The following DTWD2 variants were observed in gnomAD, a reference collection of about 807,000 sequenced individuals.
The protein encoded by DTWD2 is DTW motif tRNA-uridine aminocarboxypropyltransferase 2, also known as tRNA-uridine aminocarboxypropyltransferase 2.
A neutral mutation model predicts 31.8 loss-of-function variants in DTWD2; 39 were observed. That is an observed-to-expected ratio of 1.22 (90% CI 0.95 to 1.60). DTWD2 has a LOEUF of 1.60. Ranked by LOEUF, DTWD2 falls within the 40% of genes most tolerant of loss-of-function variation. DTWD2 has a pLI of 0.00. For synonymous variants in DTWD2, 180 were observed against 142.8 expected (o/e 1.26, Z -1.86); for missense variants, 515 against 381.5 (o/e 1.35, Z -2.92).
intron 1 of DTWD2, among the ~76,000 whole-genome samples, chr5:118,955,607 G>A (rs1409494183): frequency 6.6e-6 from 1 of 152,122 alleles, no homozygotes; most frequent in Non-Finnish European, 1.5e-5. Flanking sequence ...CCCTCATGGA[G>A]CTTATTTGTT....
chr5:118,967,998 G>T (rs537950993), intron 1 of DTWD2, among the ~76,000 whole-genome samples: 2 of 152,038 alleles, frequency 1.3e-5, no homozygotes, highest in Non-Finnish European at 2.9e-5. Flanking sequence ...TGTTAATTTC[G>T]CCAAGAATAA....
At chr5:118,986,886 T>G (rs151188819) in intron 1 of DTWD2, among the ~76,000 whole-genome samples, 2 of 151,992 alleles carry the variant, frequency 1.3e-5, no homozygotes, top group South Asian at 2.1e-4. Flanking sequence ...GGTAGCAAAT[T>G]TCACCAGAAA....
chr5:118,856,148 CT>C (rs1198481572), intron 4 of DTWD2, among the ~76,000 whole-genome samples: 11 of 152,124 alleles, frequency 7.2e-5, no homozygotes, highest in African/African-American at 2.7e-4. Flanking sequence ...TAAACCCCAC[CT>C]TTTCTGAAAT....
Position 118,837,205 on chromosome 5 carries a change from G to A in DTWD2, c.*3712C>T, listed in dbSNP as rs1751593005. The A allele has an allele frequency of 6.6e-6, 1 of 152,108 alleles. No individual in the cohort carries two copies. The highest frequency in any genetic ancestry group is 1.5e-5 in the Non-Finnish European group (1 of 68,004). 9.4% of individuals were successfully genotyped at this position (152,108 alleles called of 1,614,324 possible). On this transcript the variant is annotated 3_prime_UTR_variant, in exon 6 of 6. Coordinates refer to ENST00000510708, the MANE Select transcript of DTWD2 (RefSeq NM_173666.4). ...AGAAAGTGTGAAGAGAAAAGAGAGA[G>A]AATATGCTTTAAGTTAATGTAGCTA...
intron 3 of DTWD2, among the ~76,000 whole-genome samples, chr5:118,931,978 A>G (rs1561460536): frequency 1.3e-5 from 2 of 152,198 alleles, no homozygotes; most frequent in Non-Finnish European, 2.9e-5. Context: ...TAAGTAAACC[A>G]CGGGTCAAGA....
chr5:118,979,258 T>A (rs955150780), intron 1 of DTWD2, among the ~76,000 whole-genome samples: 1 of 151,654 alleles, frequency 6.6e-6, no homozygotes, highest in Admixed American at 6.6e-5. Context: ...GAGCAAAGAC[T>A]GTGCCACTGC....
intron 1 of DTWD2, among the ~76,000 whole-genome samples, chr5:118,984,474 AAGC>A (rs1007235499): frequency 1.3e-5 from 2 of 152,020 alleles, no homozygotes; most frequent in African/African-American, 2.4e-5. Flanking sequence ...AAAAAAAAAA[AAGC>A]AGCAATCTAA....
intron 4 of DTWD2, among the ~76,000 whole-genome samples, chr5:118,858,907 T>C (rs997091050): frequency 6.6e-6 from 1 of 152,216 alleles, no homozygotes; most frequent in Admixed American, 6.5e-5. Context: ...GCCTCCTTTA[T>C]ACCATCCAAT....
chr5:118,891,504 A>T (rs1752976749), intron 4 of DTWD2, among the ~76,000 whole-genome samples: 1 of 152,196 alleles, frequency 6.6e-6, no homozygotes, highest in Non-Finnish European at 1.5e-5. Context: ...CAAGGCATAC[A>T]CTGCTGCTCA....
At chr5:118,934,042 A>C (rs1753981940) in intron 3 of DTWD2, among the ~76,000 whole-genome samples, 2 of 150,774 alleles carry the variant, frequency 1.3e-5, no homozygotes, top group East Asian at 3.9e-4. Flanking sequence ...TAATTGTTTT[A>C]AATACCATTA....
intron 1 of DTWD2, among the ~76,000 whole-genome samples, chr5:118,957,203 CTT>C (rs1360349792): frequency 6.6e-6 from 1 of 151,874 alleles, no homozygotes; most frequent in African/African-American, 2.4e-5. Flanking sequence ...GAAGGATAGA[CTT>C]AGAAAAAATA....
intron 1 of DTWD2, among the ~76,000 whole-genome samples, chr5:118,964,343 T>C (rs1754777953): frequency 6.6e-6 from 1 of 152,170 alleles, no homozygotes; most frequent in Admixed American, 6.5e-5. Flanking sequence ...GTTGTGGTCA[T>C]TTGGTGGCTG....
chr5:118,951,584 T>G (rs970547765), intron 1 of DTWD2, among the ~76,000 whole-genome samples: 11 of 152,120 alleles, frequency 7.2e-5, no homozygotes, highest in African/African-American at 2.7e-4. Flanking sequence ...ACTGTCAAGT[T>G]TGTATTGGGG....
At chr5:118,985,528 A>ATT in intron 1 of DTWD2, among the ~76,000 whole-genome samples, 1 of 146,984 alleles carries the variant, frequency 6.8e-6, no homozygotes, top group Admixed American at 6.8e-5. Context: ...ACACACACAT[A>ATT]TATACATACA....
At chr5:118,874,888 A>G (rs1439955967) in intron 4 of DTWD2, among the ~76,000 whole-genome samples, 1 of 152,134 alleles carries the variant, frequency 6.6e-6, no homozygotes, top group Non-Finnish European at 1.5e-5. Flanking sequence ...CCATAAGAAG[A>G]TCAACCACAA....
intron 4 of DTWD2, among the ~76,000 whole-genome samples, chr5:118,921,368 AGTCAGGTGTGGTG>A (rs1753699576): frequency 6.6e-6 from 1 of 151,996 alleles, no homozygotes; most frequent in Non-Finnish European, 1.5e-5. Flanking sequence ...TTTAAAAATT[AGTCAGGTGTGGTG>A]GTACACACCC....
chr5:118,849,381 T>C (rs982003734), intron 4 of DTWD2, among the ~76,000 whole-genome samples: 3 of 152,096 alleles, frequency 2.0e-5, no homozygotes, highest in Non-Finnish European at 2.9e-5. Context: ...AAACAATATA[T>C]ACTAGAGAGG....
intron 1 of DTWD2, among the ~76,000 whole-genome samples, chr5:118,949,782 C>T (rs1754418744): frequency 6.6e-6 from 1 of 152,026 alleles, no homozygotes. Context: ...AGGCTTTGAA[C>T]TGGGGAAAAG....
At chr5:118,889,075 T>C (rs1455288914) in intron 4 of DTWD2, among the ~76,000 whole-genome samples, 1 of 152,208 alleles carries the variant, frequency 6.6e-6, no homozygotes, top group Non-Finnish European at 1.5e-5. Flanking sequence ...GACCTTTGTG[T>C]CTTTCGAAGA....
Sources: allele counts gnomAD v4.1 joint callset (sites outside exome capture counted in the v4.1 genomes callset), GRCh38; gene constraint gnomAD v4.1.1; transcripts MANE v1.5; gene names NCBI Gene and HGNC (gene_info 2026-07-23, HGNC 2026-07-21).